Variants in PKHD1 observed in about 807,000 individuals in gnomAD.
The protein encoded by PKHD1 is fibrocystin.
A neutral mutation model predicts 412.0 loss-of-function variants in PKHD1; 291 were observed. The ratio of observed to expected loss-of-function variants is 0.71; its 90% CI spans 0.64 to 0.78. The LOEUF is 0.78. PKHD1 is among the 30% of genes least tolerant of loss of function. The probability of loss-of-function intolerance (pLI) is 0.00; values close to 1 mark genes in which losing one functional copy is unlikely to be tolerated. For missense variants in PKHD1, 4,825 were observed against 4,950.7 expected, an observed-to-expected ratio of 0.97 and a Z score of 0.76; for synonymous variants, 1,777 against 1,821.5, an observed-to-expected ratio of 0.98 and a Z score of 0.62.
intron 60 of PKHD1, among the ~76,000 whole-genome samples, chr6:51,672,342 C>A (rs748229029): frequency 2.6e-5 from 4 of 152,124 alleles, no homozygotes; most frequent in Non-Finnish European, 5.9e-5. Flanking sequence ...GTCACTCAAC[C>A]CCACACCACT....
At chr6:51,779,543 T>C (rs1226168125) in intron 53 of PKHD1, among the ~76,000 whole-genome samples, 1 of 152,186 alleles carries the variant, frequency 6.6e-6, no homozygotes, top group Non-Finnish European at 1.5e-5. Flanking sequence ...CAGAGTTTAT[T>C]TGAAGATATT....
intron 60 of PKHD1, among the ~76,000 whole-genome samples, chr6:51,697,674 T>C (rs1778960832): frequency 6.6e-6 from 1 of 152,212 alleles, no homozygotes; most frequent in Non-Finnish European, 1.5e-5. Context: ...GGTTGAGAAG[T>C]CAGTGCTACA....
intron 60 of PKHD1, among the ~76,000 whole-genome samples, chr6:51,661,653 A>T (rs543673829): frequency 6.6e-6 from 1 of 152,224 alleles, no homozygotes; most frequent in African/African-American, 2.4e-5. Context: ...AGCGTTATTC[A>T]TTATTTCTAC....
intron 35 of PKHD1, among the ~76,000 whole-genome samples, chr6:51,964,714 TG>T (rs1490877368): frequency 1.3e-5 from 2 of 152,168 alleles, no homozygotes; most frequent in African/African-American, 4.8e-5. Flanking sequence ...TAATATGATA[TG>T]AAGCTATAAT....
chr6:52,046,766 T>C (rs1805908515), intron 23 of PKHD1, among the ~76,000 whole-genome samples: 1 of 152,252 alleles, frequency 6.6e-6, no homozygotes, highest in Non-Finnish European at 1.5e-5. Flanking sequence ...ATTTGAACCC[T>C]GCTTTGTGCT....
chr6:51,878,560 C>T (rs2127525443), intron 46 of PKHD1, among the ~76,000 whole-genome samples: 1 of 47,746 alleles, frequency 2.1e-5, no homozygotes, highest in Non-Finnish European at 3.9e-5. Flanking sequence ...TGACAAAATT[C>T]AACAACCCTT....
chr6:51,645,287 T>G (rs750450075), intron 63 of PKHD1, among the ~76,000 whole-genome samples: 1 of 152,248 alleles, frequency 6.6e-6, no homozygotes, highest in Non-Finnish European at 1.5e-5. Flanking sequence ...TAATAATAGA[T>G]AATTGTGCTT....
chr6:51,947,765 C>T (rs772093042), intron 36 of PKHD1, among the ~76,000 whole-genome samples: 8 of 152,224 alleles, frequency 5.3e-5, no homozygotes, highest in Non-Finnish European at 8.8e-5. Flanking sequence ...CACCATCGCA[C>T]GCTAATTGTC....
rs1226203977 is a variant in PKHD1 at position 51,959,973 on chromosome 6, A to G, written c.5805T>C (p.Phe1935=). ...CGCCATCTTGTGGCAGCCTTTCAGG[A>G]AACCAGCTGTGAGTCCTGGACCATC... ...CRRWSRTHSW[F]PERLPQDGDN... Residue 1935 remains phenylalanine, a synonymous_variant, in exon 36 of 67, where the codon TTT becomes TTC. Coordinates refer to ENST00000371117, the MANE Select transcript of PKHD1 (RefSeq NM_138694.4). 1 of 1,613,514 alleles carries G rather than the reference A, an allele frequency of 6.2e-7. No homozygotes were observed. Among genetic ancestry groups the G allele is most frequent in the Non-Finnish European group, 8.5e-7 (1 of 1,179,652 alleles).
At chr6:51,997,982 A>C (rs537819319) in intron 35 of PKHD1, among the ~76,000 whole-genome samples, 6 of 152,378 alleles carry the variant, frequency 3.9e-5, no homozygotes, top group African/African-American at 1.4e-4. Flanking sequence ...CATGTGGAAT[A>C]GAGTGGGTCT....
chr6:51,903,731 A>C lies in PKHD1; in HGVS notation c.6866-4T>G. The C allele has an allele frequency of 6.2e-7, 1 of 1,608,290 alleles. No homozygotes were observed. On this transcript the variant is annotated splice_polypyrimidine_tract_variant and splice_region_variant and intron_variant, in intron 42 of 66. Coordinates refer to ENST00000371117, the MANE Select transcript of PKHD1 (RefSeq NM_138694.4). ...ATATTTCCATGTCCTGACCAGTCTAATGTTTCAACAAATCCAGGGGATCCA... is the reference window on the plus strand; with the variant it reads ...ATATTTCCATGTCCTGACCAGTCTACTGTTTCAACAAATCCAGGGGATCCA...
At chr6:51,982,880 T>TAAAAAAAAAAA (rs777201105) in intron 35 of PKHD1, among the ~76,000 whole-genome samples, 1 of 135,982 alleles carries the variant, frequency 7.4e-6, no homozygotes, top group Admixed American at 7.5e-5. Context: ...TAAAATAAAA[T>TAAAAAAAAAAA]AAAATAAAAT....
intron 60 of PKHD1, among the ~76,000 whole-genome samples, chr6:51,718,490 G>A (rs1334990480): frequency 3.3e-5 from 5 of 152,152 alleles, no homozygotes; most frequent in Non-Finnish European, 5.9e-5. Context: ...TTGCGTAGGA[G>A]GTATAATTTC....
At chr6:51,919,773 C>T (rs1784404189) in intron 37 of PKHD1, among the ~76,000 whole-genome samples, 1 of 152,168 alleles carries the variant, frequency 6.6e-6, no homozygotes, top group African/African-American at 2.4e-5. Flanking sequence ...ATGGAATGTT[C>T]TTCCATTTGT....
chr6:52,063,544 TA>T (rs1398800123), intron 13 of PKHD1, among the ~76,000 whole-genome samples: 1 of 152,224 alleles, frequency 6.6e-6, no homozygotes, highest in Non-Finnish European at 1.5e-5. Context: ...GGATAAGGAA[TA>T]AACAGAAAAG....
chr6:51,974,703 G>GA (rs553927698), intron 35 of PKHD1, among the ~76,000 whole-genome samples: 44 of 152,286 alleles, frequency 2.9e-4, no homozygotes, highest in African/African-American at 1.0e-3. Flanking sequence ...AGGACTTGGG[G>GA]AAAAGGGTGG....
chr6:51,960,075 T>A, intron 35 of PKHD1, 49 bp from the exon 36 acceptor site: 1 of 1,588,226 alleles, frequency 6.3e-7, no homozygotes, highest in Non-Finnish European at 8.6e-7. Flanking sequence ...GGTTGGCTGG[T>A]CTGTTGCTTC....
chr6:52,035,807 A>T, intron 27 of PKHD1, 86 bp from the exon 28 acceptor site: 2 of 1,349,870 alleles, frequency 1.5e-6, no homozygotes, highest in Middle Eastern at 4.0e-4. Context: ...ATAAAATGAA[A>T]TTAAAATATG....
intron 46 of PKHD1, among the ~76,000 whole-genome samples, chr6:51,872,417 T>A (rs1055038311): frequency 9.3e-5 from 6 of 64,468 alleles, no homozygotes; most frequent in Non-Finnish European, 1.9e-4. Context: ...GTTTTTTGGT[T>A]TTTTTTTTTG....
Sources: gnomAD v4.1 joint callset for allele counts (sites outside exome capture counted in the v4.1 genomes callset) on GRCh38, gnomAD v4.1.1 for gene constraint, MANE v1.5 for transcripts, NCBI Gene and HGNC (gene_info 2026-07-23, HGNC 2026-07-21) for gene names.